The following CCAR2 variants were observed in gnomAD, a reference collection of about 807,000 sequenced individuals.
CCAR2 encodes cell cycle and apoptosis regulator 2, also known as cell cycle and apoptosis regulator protein 2.
In CCAR2, 21 loss-of-function variants were observed where a neutral mutation model predicts 108.1. That is an observed-to-expected ratio of 0.19 (90% CI 0.14 to 0.28). The LOEUF (loss-of-function observed/expected upper bound fraction) is 0.28, where lower values mean the gene tolerates loss of function less well. Ranked by LOEUF, CCAR2 falls within the 10% of genes least tolerant of loss-of-function variation. CCAR2 has a pLI of 1.00. For missense variants in CCAR2, 1,126 were observed against 1,177.0 expected (o/e 0.96, Z 0.63); for synonymous variants, 577 against 472.8 (o/e 1.22, Z -2.86).
At chr8:22,610,656 C>T (rs1029445022) in intron 7 of CCAR2, among the ~76,000 whole-genome samples, 2 of 152,226 alleles carry the variant, frequency 1.3e-5, no homozygotes, top group African/African-American at 4.8e-5. Flanking sequence ...GATGGAGATG[C>T]TCATGCACAT....
Position 22,615,437 on chromosome 8 carries a change from C to G in CCAR2, c.1218C>G (p.Ala406=), listed in dbSNP as rs7001453. 2 of 1,613,380 alleles carry G rather than the reference C, an allele frequency of 1.2e-6. No homozygotes were observed. The highest frequency in any genetic ancestry group is 1.3e-5 in the African/African-American group (1 of 74,958). Residue 406 remains alanine (A), a synonymous_variant, in exon 12 of 21, where the codon GCC becomes GCG. Transcript: ENST00000308511. ...LSGCTKWWRF[A]EFQYLQPGPP... ...TTGCCATGTGCAGGTGGCGCTTTGC[C>G]GAGTTTCAGTACCTGCAGCCGGGAC...
Position 22,614,892 on chromosome 8 carries a change from C to G in CCAR2, c.1096C>G (p.Pro366Ala), listed in dbSNP as rs1163656760. 1.9e-6 allele frequency: 3 copies of G among 1,613,892 alleles called. No individual in the cohort carries two copies. Among genetic ancestry groups the G allele is most frequent in the Non-Finnish European group, 1.7e-6 (2 of 1,180,034 alleles). ...AGTGCTGGTTGGGGGTGAATGGTCT[C>G]CTTCCCTGGATGGCCTCGACCCCCA... is the stretch of plus-strand genomic sequence containing the variant. ...EAVLVGGEWSPSLDGLDPQAD... is the reference protein window; with the variant it reads ...EAVLVGGEWSASLDGLDPQAD... The change falls in exon 11 of 21, where the codon CCT (proline) becomes GCT (alanine). Residue 366 changes from proline to alanine, a missense_variant. Physicochemically the swap from Pro to Ala is conservative, Grantham distance 27. This residue lies in a region of CCAR2 where 1,013 missense variants were observed against 993.9 expected (regional missense o/e 1.02). Transcript: ENST00000308511.
At chr8:22,620,869 A>AC (rs1377789573), downstream of CCAR2, 1 of 151,678 alleles carries the variant, frequency 6.6e-6, no homozygotes, top group Non-Finnish European at 1.5e-5. Flanking sequence ...GACCTCGGGA[A>AC]CCCCAACCAC....
chr8:22,617,309 C>T, intron 14 of CCAR2, 111 bp from the exon 15 acceptor site: 2 of 1,254,508 alleles, frequency 1.6e-6, no homozygotes, highest in Non-Finnish European at 2.2e-6. Context: ...TCTGTAGAGC[C>T]CTCCATACAG....
At chr8:22,615,088 C>T (rs1244230274) in intron 11 of CCAR2, 87 bp downstream of exon 11, 3 of 1,419,460 alleles carry the variant, frequency 2.1e-6, no homozygotes, top group East Asian at 5.0e-5. Context: ...CCCCTTTCTG[C>T]TGGTTAGCTC....
At chr8:22,609,815 G>A (rs1174213629) in intron 7 of CCAR2, among the ~76,000 whole-genome samples, 6 of 152,146 alleles carry the variant, frequency 3.9e-5, no homozygotes, top group African/African-American at 1.4e-4. Context: ...TGTCCTGGAC[G>A]TGCTGAGGCC....
intron 8 of CCAR2, among the ~76,000 whole-genome samples, chr8:22,613,660 T>A (rs769508930): frequency 6.6e-6 from 1 of 152,206 alleles, no homozygotes; most frequent in Non-Finnish European, 1.5e-5. Flanking sequence ...GCCGACTTTT[T>A]CATCTTTGTC....
intron 18 of CCAR2, 44 bp from the exon 19 acceptor site, chr8:22,618,783 C>T: frequency 1.9e-6 from 3 of 1,613,206 alleles, no homozygotes; most frequent in African/African-American, 1.3e-5. Context: ...AGGCTGCCCT[C>T]TCTGGAGACT....
In CCAR2 at chr8:22,614,179, A is replaced by C; in HGVS notation, c.792A>C (p.Leu264=). ...TTCTGTCCGTGCATCTGAGTTGGCT[A>C]TCAGCCTTCCCCCTGAGCCAGCCCT... The part of the protein sequence containing the change: ...SDFLSVHLSW[L]SAFPLSQPFS... The change falls in exon 9 of 21, where the codon CTA becomes CTC. Residue 264 remains leucine, a synonymous_variant. Coordinates refer to ENST00000308511, the MANE Select transcript of CCAR2 (RefSeq NM_001393997.1). 17 of 1,614,086 alleles carry C rather than the reference A, an allele frequency of 1.1e-5. No homozygotes were observed. Among genetic ancestry groups the C allele is most frequent in the Non-Finnish European group, 1.4e-5 (17 of 1,180,028 alleles).
chr8:22,619,126 C>T (rs1168328018), intron 19 of CCAR2, 24 bp from the exon 20 acceptor site: 1 of 1,603,286 alleles, frequency 6.2e-7, no homozygotes, highest in South Asian at 1.1e-5. Context: ...AGCAGCCGTC[C>T]CCGTTTCCTT....
rs1471479872 is a variant in CCAR2 at position 22,616,263 on chromosome 8, A to G, written c.1845+15A>G. ...AGGCCCCGCTGGTGAGTACCCTGCC[A>G]CCTCGGGCTGTCATAGTGCTTACCG... On this transcript the variant is annotated intron_variant, in intron 14 of 20. Coordinates refer to ENST00000308511, the MANE Select transcript of CCAR2 (RefSeq NM_001393997.1). 1 of 1,609,290 alleles carries G rather than the reference A, an allele frequency of 6.2e-7. No individual in the cohort carries two copies. The highest frequency in any genetic ancestry group is 1.3e-5 in the African/African-American group (1 of 74,898).
Position 22,615,738 on chromosome 8 carries a change from T to C in CCAR2, c.1434T>C (p.Ser478=), listed in dbSNP as rs750972284. 2.5e-6 allele frequency: 4 copies of C among 1,613,794 alleles called. No individual in the cohort carries two copies. The South Asian group carries it at 3.3e-5, about 13-fold the overall frequency. Reference sequence around the variant, plus strand: ...CCTTGGAGCAAGCAGCAGACACTTCTAGACGGAACGCAGAAACTCCAGAGG... The same window carrying C: ...CCTTGGAGCAAGCAGCAGACACTTCCAGACGGAACGCAGAAACTCCAGAGG... ...PDALEQAADT[S]RRNAETPEAT... is the part of the protein sequence containing the mutation. The change falls in exon 13 of 21, where the codon TCT becomes TCC. Residue 478 remains serine, a synonymous_variant. Transcript: ENST00000308511.
intron 8 of CCAR2, 120 bp from the exon 9 acceptor site, chr8:22,613,972 C>A: frequency 2.6e-6 from 2 of 781,688 alleles, no homozygotes; most frequent in Non-Finnish European, 4.1e-6. Context: ...TTGAGAGGTG[C>A]CTTACTTCAA....
At position 22,619,005 on chromosome 8, in the gene CCAR2, G is replaced by A; in HGVS notation, c.2511G>A (p.Glu837=). 6.2e-7 allele frequency: 1 copy of A among 1,613,144 alleles called. No individual in the cohort carries two copies. The highest frequency in any genetic ancestry group is 8.5e-7 in the Non-Finnish European group (1 of 1,179,858). ...LYLENKIHTL[E]LKLEESHNRF... is the part of the protein sequence containing the mutation. ...TAGAGAACAAGATCCACACACTGGA[G>A]CTGAAGCTGGGTGAGGGCCTGGGGC... The change falls in exon 19 of 21, where the codon GAG becomes GAA. Residue 837 remains glutamate (E), a synonymous_variant. Transcript: ENST00000308511.
In CCAR2 at chr8:22,618,500, C is replaced by T. The variant is rs761143949; in HGVS notation, c.2220+5C>T. ...ATCCGGCTCAGTGCAGAGCAGGTAC[C>T]TTCTTTCCTCTGCCCCAGCACATGG... On this transcript the variant is annotated splice_donor_5th_base_variant and intron_variant, in intron 17 of 20. Coordinates refer to ENST00000308511, the MANE Select transcript of CCAR2 (RefSeq NM_001393997.1). 6.2e-7 allele frequency: 1 copy of T among 1,614,194 alleles called. No individual in the cohort carries two copies. The highest frequency in any genetic ancestry group is 1.1e-5 in the South Asian group (1 of 91,092).
intron 7 of CCAR2, among the ~76,000 whole-genome samples, chr8:22,611,420 A>ATG (rs1801276675): frequency 1.2e-5 from 1 of 83,138 alleles, no homozygotes; most frequent in Admixed American, 1.3e-4. Flanking sequence ...GTGTGTATAT[A>ATG]TGTGTGTATA....
rs202200459 is a variant in CCAR2, at chr8:22,614,188, C to T, written c.801C>T (p.Phe267=). 16 of 1,614,106 alleles carry T rather than the reference C, an allele frequency of 9.9e-6. No individual in the cohort carries two copies. The highest frequency in any genetic ancestry group is 2.2e-5 in the East Asian group (1 of 44,886). Residue 267 remains phenylalanine, a synonymous_variant, in exon 9 of 21, where the codon TTC becomes TTT. Coordinates refer to ENST00000308511, the MANE Select transcript of CCAR2 (RefSeq NM_001393997.1). ...TGCATCTGAGTTGGCTATCAGCCTT[C>T]CCCCTGAGCCAGCCCTTTTCCCTCC... The part of the protein sequence containing the change: ...LSVHLSWLSA[F]PLSQPFSLHH...
At chr8:22,608,159 C>T in intron 7 of CCAR2, 94 bp downstream of exon 7, 2 of 973,586 alleles carry the variant, frequency 2.1e-6, no homozygotes, top group South Asian at 1.6e-5. Flanking sequence ...GGAAGTGAAC[C>T]CAGGTCAACT....
At chr8:22,609,044 T>C (rs556748169) in intron 7 of CCAR2, among the ~76,000 whole-genome samples, 243 of 138,046 alleles carry the variant, frequency 1.8e-3, no homozygotes, top group African/African-American at 6.4e-3. Context: ...CCTTAACCCT[T>C]TTTTTTTCTT....
Sources: allele counts gnomAD v4.1 joint callset (sites outside exome capture counted in the v4.1 genomes callset), GRCh38; gene constraint gnomAD v4.1.1; regional missense constraint gnomAD v4.1.1; transcripts MANE v1.5; gene names NCBI Gene and HGNC (gene_info 2026-07-23, HGNC 2026-07-21).